The following CCDC60 variants were observed in gnomAD, a reference collection of about 807,000 sequenced individuals.
The protein encoded by CCDC60 is coiled-coil domain-containing protein 60.
In CCDC60, 54 loss-of-function variants were observed where a neutral mutation model predicts 63.5. The ratio of observed to expected loss-of-function variants is 0.85; its 90% confidence interval spans 0.68 to 1.07. The LOEUF (loss-of-function observed/expected upper bound fraction) is 1.07. CCDC60 is among the 50% of genes least tolerant of loss of function. The probability of loss-of-function intolerance (pLI) is 0.00; values close to 1 mark genes in which losing one functional copy is unlikely to be tolerated. For missense variants in CCDC60, 651 were observed against 684.3 expected (o/e 0.95, Z 0.54); for synonymous variants, 206 against 238.8 (o/e 0.86, Z 1.27).
At chr12:119,504,950 G>T in intron 6 of CCDC60, 119 bp from the exon 7 acceptor site, 1 of 676,650 alleles carries the variant, frequency 1.5e-6, no homozygotes, top group Non-Finnish European at 2.5e-6. Flanking sequence ...TTCACAGTCA[G>T]ACCCAGGCTT....
chr12:119,340,156 T>G (rs1955517718), intron 1 of CCDC60, among the ~76,000 whole-genome samples: 1 of 152,188 alleles, frequency 6.6e-6, no homozygotes, highest in Non-Finnish European at 1.5e-5. Flanking sequence ...ATGTCTCAGT[T>G]TCAGAGGTAT....
At chr12:119,465,066 C>A (rs191804310) in intron 2 of CCDC60, among the ~76,000 whole-genome samples, 2 of 152,328 alleles carry the variant, frequency 1.3e-5, no homozygotes, top group Admixed American at 1.3e-4. Flanking sequence ...AATCCCAGCA[C>A]TTTGGGAGGC....
intron 2 of CCDC60, among the ~76,000 whole-genome samples, chr12:119,448,583 C>A (rs1046700457): frequency 1.2e-4 from 19 of 152,134 alleles, no homozygotes; most frequent in African/African-American, 4.3e-4. Flanking sequence ...GGGCTTTTGC[C>A]CTCGAAGATA....
At chr12:119,500,205 A>C (rs1727390) in intron 6 of CCDC60, 37 bp downstream of exon 6, 190,408 of 1,379,412 alleles carry the variant, frequency 0.14, 15,438 homozygotes, top group Non-Finnish European at 0.16. Flanking sequence ...TTTGGCTCCT[A>C]GGTCCCAGCT....
At chr12:119,480,399 C>T (rs1329204221) in intron 4 of CCDC60, among the ~76,000 whole-genome samples, 1 of 152,192 alleles carries the variant, frequency 6.6e-6, no homozygotes, top group Non-Finnish European at 1.5e-5. Context: ...ATCCCAAAGC[C>T]TTGTCTTTAA....
intron 1 of CCDC60, among the ~76,000 whole-genome samples, chr12:119,367,143 T>C (rs1955848825): frequency 6.6e-6 from 1 of 152,200 alleles, no homozygotes; most frequent in Non-Finnish European, 1.5e-5. Flanking sequence ...TGAAAACACG[T>C]ATCATACTTG....
At chr12:119,534,661 C>T (rs972916999) in intron 13 of CCDC60, among the ~76,000 whole-genome samples, 1 of 152,172 alleles carries the variant, frequency 6.6e-6, no homozygotes, top group African/African-American at 2.4e-5. Flanking sequence ...TTTTCTGCAT[C>T]TATTGAGATA....
chr12:119,436,479 A>G (rs1950326877), intron 2 of CCDC60, among the ~76,000 whole-genome samples: 1 of 152,026 alleles, frequency 6.6e-6, no homozygotes. Context: ...GAAGCCAACT[A>G]GGAAATTAGA....
intron 1 of CCDC60, among the ~76,000 whole-genome samples, chr12:119,357,405 C>A (rs545720342): frequency 6.6e-6 from 1 of 152,180 alleles, no homozygotes; most frequent in East Asian, 1.9e-4. Context: ...ACACCCACAC[C>A]CATATCTTTC....
At position 119,505,300 on chromosome 12, in the gene CCDC60, ATGAG is replaced by A; in HGVS notation, c.882_883+2del. On this transcript the variant is annotated splice_donor_variant and coding_sequence_variant, in exon 7 of 14. Coordinates refer to ENST00000327554, the MANE Select transcript of CCDC60 (RefSeq NM_178499.5). LOFTEE classifies it high-confidence loss of function. ...CAAGCCAGATGAAGAACCTCTGTAT[ATGAG>A]TAAGTCCTACCTGAGATCTGACTCA... is the stretch of plus-strand genomic sequence containing the variant. 2 of 1,600,756 alleles carry A rather than the reference ATGAG, an allele frequency of 1.2e-6. No individual in the cohort carries two copies. The highest frequency in any genetic ancestry group is 1.7e-6 in the Non-Finnish European group (2 of 1,174,428).
At chr12:119,421,121 C>T (rs536566896) in intron 1 of CCDC60, among the ~76,000 whole-genome samples, 17 of 152,328 alleles carry the variant, frequency 1.1e-4, no homozygotes, top group Admixed American at 7.2e-4. Flanking sequence ...CAGGAATTCA[C>T]TTCCATCTTC....
At chr12:119,539,534 C>A (rs1432585344) in intron 13 of CCDC60, among the ~76,000 whole-genome samples, 2 of 152,214 alleles carry the variant, frequency 1.3e-5, no homozygotes, top group African/African-American at 4.8e-5. Context: ...TCCCTCCCCC[C>A]ACCAAACTCC....
intron 13 of CCDC60, 61 bp from the exon 14 acceptor site, chr12:119,540,553 G>A (rs1953133109): frequency 3.4e-6 from 4 of 1,160,008 alleles, no homozygotes; most frequent in Admixed American, 1.7e-5. Context: ...AGGGGAGGGA[G>A]AGAAGGTGGA....
intron 2 of CCDC60, among the ~76,000 whole-genome samples, chr12:119,463,044 G>A (rs533722320): frequency 2.6e-5 from 4 of 152,154 alleles, no homozygotes; most frequent in Non-Finnish European, 4.4e-5. Context: ...GGCTGGTCTC[G>A]AACTCCTGAC....
chr12:119,519,919 C>T (rs982347733), intron 8 of CCDC60, among the ~76,000 whole-genome samples: 1 of 151,898 alleles, frequency 6.6e-6, no homozygotes, highest in Non-Finnish European at 1.5e-5. Context: ...TGGGGCCCCC[C>T]TCCAGGCCTA....
chr12:119,375,492 GCCACAT>G (rs1169193864), intron 1 of CCDC60, among the ~76,000 whole-genome samples: 1 of 152,086 alleles, frequency 6.6e-6, no homozygotes, highest in African/African-American at 2.4e-5. Context: ...TCTTTGCTGG[GCCACAT>G]CCCTCCACCC....
chr12:119,418,267 A>G (rs889353075), intron 1 of CCDC60, among the ~76,000 whole-genome samples: 1 of 151,826 alleles, frequency 6.6e-6, no homozygotes, highest in African/African-American at 2.4e-5. Context: ...TCACACCTAA[A>G]CACTTCAGCA....
intron 7 of CCDC60, among the ~76,000 whole-genome samples, chr12:119,516,378 T>C (rs573084722): frequency 6.6e-6 from 1 of 152,312 alleles, no homozygotes; most frequent in East Asian, 1.9e-4. Context: ...AGTACTGGCA[T>C]TACAGGCATT....
At chr12:119,509,672 ATGG>A (rs1302897893) in intron 7 of CCDC60, among the ~76,000 whole-genome samples, 2 of 151,058 alleles carry the variant, frequency 1.3e-5, no homozygotes, top group Non-Finnish European at 3.0e-5. Flanking sequence ...GATGATGATG[ATGG>A]TGATGATAAA....
Sources: allele counts gnomAD v4.1 joint callset (sites outside exome capture counted in the v4.1 genomes callset), GRCh38; gene constraint gnomAD v4.1.1; transcripts MANE v1.5; gene names NCBI Gene and HGNC (gene_info 2026-07-23, HGNC 2026-07-21).